The following MAN1A2 variants were observed in gnomAD, a reference collection of about 807,000 sequenced individuals.
The protein encoded by MAN1A2 is mannosyl-oligosaccharide 1,2-alpha-mannosidase IB.
In MAN1A2, 26 loss-of-function variants were observed where a neutral mutation model predicts 75.7. The observed-to-expected ratio is 0.34, with a 90% CI of 0.25 to 0.48. The LOEUF is 0.48. MAN1A2 is among the 20% of genes least tolerant of loss of function. MAN1A2 has a pLI of 0.99. For synonymous variants in MAN1A2, 247 were observed against 264.6 expected, an observed-to-expected ratio of 0.93 and a Z score of 0.65; for missense variants, 562 against 775.5, an observed-to-expected ratio of 0.72 and a Z score of 3.27.
intron 3 of MAN1A2, among the ~76,000 whole-genome samples, chr1:117,406,708 A>G (rs557120232): frequency 6.6e-6 from 1 of 152,136 alleles, no homozygotes; most frequent in Non-Finnish European, 1.5e-5. Flanking sequence ...GAAATAAAGT[A>G]TATTTTCTTA....
At chr1:117,381,449 C>T (rs1653331695) in intron 1 of MAN1A2, among the ~76,000 whole-genome samples, 2 of 151,894 alleles carry the variant, frequency 1.3e-5, no homozygotes. Context: ...GGTTTTTTGT[C>T]TTTGCGATAG....
intron 5 of MAN1A2, among the ~76,000 whole-genome samples, chr1:117,421,305 C>T (rs904668603): frequency 1.3e-5 from 2 of 151,934 alleles, no homozygotes; most frequent in African/African-American, 4.8e-5. Context: ...TTGATCTAGA[C>T]AATTTGTAAG....
At chr1:117,518,991 C>G (rs1651797180) in intron 12 of MAN1A2, among the ~76,000 whole-genome samples, 1 of 152,084 alleles carries the variant, frequency 6.6e-6, no homozygotes, top group Non-Finnish European at 1.5e-5. Flanking sequence ...AGCCCTCTCT[C>G]AGACCACAGT....
At chr1:117,372,483 A>G (rs1425581449) in intron 1 of MAN1A2, among the ~76,000 whole-genome samples, 2 of 152,222 alleles carry the variant, frequency 1.3e-5, no homozygotes, top group Admixed American at 6.5e-5. Context: ...TGAATTTAGT[A>G]TATTTTCATG....
chr1:117,509,379 G>A (rs1300991040), intron 12 of MAN1A2, among the ~76,000 whole-genome samples: 1 of 151,890 alleles, frequency 6.6e-6, no homozygotes, highest in Non-Finnish European at 1.5e-5. Flanking sequence ...TTGTTCTGGT[G>A]TTGGCAAGGA....
At chr1:117,389,876 C>T (rs898141969) in intron 1 of MAN1A2, among the ~76,000 whole-genome samples, 1 of 151,428 alleles carries the variant, frequency 6.6e-6, no homozygotes, top group African/African-American at 2.4e-5. Context: ...TAGGAAATAC[C>T]CTTGCATTCC....
intron 5 of MAN1A2, among the ~76,000 whole-genome samples, chr1:117,436,561 A>T (rs956861816): frequency 3.3e-5 from 5 of 152,238 alleles, no homozygotes; most frequent in African/African-American, 1.2e-4. Flanking sequence ...TGCTAGAAGT[A>T]CCAGGAATGC....
chr1:117,462,560 G>C (rs944582514), intron 7 of MAN1A2, among the ~76,000 whole-genome samples: 2 of 152,112 alleles, frequency 1.3e-5, no homozygotes, highest in Admixed American at 1.3e-4. Context: ...TACATCCAGA[G>C]AACAAAGAGA....
Position 117,457,175 on chromosome 1 carries a change from T to C in MAN1A2, c.951-3314T>C, listed in dbSNP as rs147287771. Among the ~76,000 whole-genome samples, 1,187 of 152,224 alleles carry C rather than the reference T, an allele frequency of 7.8e-3. 7 individuals are homozygous for C. Among genetic ancestry groups the C allele is most frequent in the African/African-American group, 0.027 (1,131 of 41,554 alleles). ...ATGATTGTAGACCACTTAGGGTGAT[T>C]TACTGTCAAGAGTTTACCAAACATT... On this transcript the variant is annotated intron_variant, in intron 6 of 12. Coordinates refer to ENST00000356554, the MANE Select transcript of MAN1A2 (RefSeq NM_006699.5).
intron 12 of MAN1A2, among the ~76,000 whole-genome samples, chr1:117,508,386 A>G (rs1050229921): frequency 6.6e-6 from 1 of 151,670 alleles, no homozygotes; most frequent in Non-Finnish European, 1.5e-5. Context: ...TCACCACAGT[A>G]TGTCTACTTT....
At chr1:117,496,110 C>T (rs1329392505) in intron 9 of MAN1A2, among the ~76,000 whole-genome samples, 1 of 99,240 alleles carries the variant, frequency 1.0e-5, no homozygotes, top group East Asian at 3.0e-4. Context: ...CAGAGAACAA[C>T]TGACAGTAAA....
chr1:117,415,404 C>A (rs1647956104), intron 4 of MAN1A2, among the ~76,000 whole-genome samples: 1 of 152,064 alleles, frequency 6.6e-6, no homozygotes. Flanking sequence ...TTCCTTTTGA[C>A]TGTATTATCC....
chr1:117,433,315 C>T (rs557944104), intron 5 of MAN1A2, among the ~76,000 whole-genome samples: 7 of 152,072 alleles, frequency 4.6e-5, no homozygotes, highest in African/African-American at 1.4e-4. Context: ...TTAAAAAAAT[C>T]GAAAATTGGA....
Position 117,368,018 on chromosome 1 carries a change from A to T in MAN1A2, c.-166A>T. 5 of 626,678 alleles carry T rather than the reference A, an allele frequency of 8.0e-6. No individual in the cohort carries two copies. The highest frequency in any genetic ancestry group is 1.1e-5 in the Non-Finnish European group (4 of 363,108). 38.8% of individuals were successfully genotyped at this position (626,678 alleles called of 1,614,324 possible). ...AGGTCACACACGTTTCTGAGTGGGA[A>T]TGGATGGGCGTGAATGACGTGCCCT... On this transcript the variant is annotated 5_prime_UTR_variant, in exon 1 of 13. An upstream start codon of the reference 5' UTR is lost. Transcript: ENST00000356554.
chr1:117,515,975 A>G (rs1306716908), intron 12 of MAN1A2: 1 of 152,156 alleles, frequency 6.6e-6, no homozygotes, highest in African/African-American at 2.4e-5. Context: ...CATGCTAAAA[A>G]GGGAATTATA....
At position 117,405,453 on chromosome 1, in the gene MAN1A2, G is replaced by A. The variant is rs966254050; in HGVS notation, c.559-96G>A. On this transcript the variant is annotated intron_variant, in intron 2 of 12. Transcript: ENST00000356554. ...TGTACTAATATAGATCTGGAAGAAT[G>A]GGCAAGGATATAGTAATAGAACCCA... is the stretch of plus-strand genomic sequence containing the variant. The A allele has an allele frequency of 4.1e-6, 3 of 739,574 alleles. No individual in the cohort carries two copies. The African/African-American group carries it at 5.2e-5, about 13-fold the overall frequency. The allele number at this position is 739,574 out of a possible 1,614,324, so 45.8% of individuals were successfully genotyped here. A position where few individuals can be genotyped will look rare whatever the true frequency, so the allele number is the denominator to read the frequency against.
At chr1:117,466,514 G>C in intron 8 of MAN1A2, 87 bp downstream of exon 8, 1 of 823,768 alleles carries the variant, frequency 1.2e-6, no homozygotes, top group South Asian at 1.9e-5. Context: ...TACACTACGT[G>C]GAGTTAGAAA....
chr1:117,405,621 A>G lies in MAN1A2; in HGVS notation c.631A>G (p.Lys211Glu), dbSNP rs1647589410. 6.3e-7 allele frequency: 1 copy of G among 1,598,612 alleles called. No individual in the cohort carries two copies. Among genetic ancestry groups the G allele is most frequent in the African/African-American group, 1.3e-5 (1 of 74,576 alleles). Residue 211 changes from lysine (K) to glutamate (E), a missense_variant, in exon 3 of 13, where the codon AAA becomes GAA. Around this residue, in one of 2 missense-constraint regions of MAN1A2, gnomAD observed 434 missense variants for 645.7 expected, o/e 0.67. Transcript: ENST00000356554. Reference sequence around the variant, plus strand: ...TAATGAACTCAGACCTATTGCAAGGAAAGGACACTCCCCTAACATATTTGG... The same window carrying G: ...TAATGAACTCAGACCTATTGCAAGGGAAGGACACTCCCCTAACATATTTGG... ...GHNELRPIARKGHSPNIFGSS... is the reference protein window; with the variant it reads ...GHNELRPIAREGHSPNIFGSS...
At chr1:117,513,551 A>G (rs547253093) in intron 12 of MAN1A2, among the ~76,000 whole-genome samples, 2 of 152,050 alleles carry the variant, frequency 1.3e-5, no homozygotes, top group African/African-American at 4.8e-5. Context: ...ATTTGGCTAC[A>G]CTTAATCTTG....
Sources: allele counts gnomAD v4.1 joint callset (sites outside exome capture counted in the v4.1 genomes callset), GRCh38; gene constraint gnomAD v4.1.1; regional missense constraint gnomAD v4.1.1; transcripts MANE v1.5; gene names NCBI Gene and HGNC (gene_info 2026-07-23, HGNC 2026-07-21).